The following ST14 variants were observed in gnomAD, a reference collection of about 807,000 sequenced individuals.
ST14 encodes the protein ST14 transmembrane serine protease matriptase.
In ST14, 40 loss-of-function variants were observed where a neutral mutation model predicts 96.5. That is an observed-to-expected ratio of 0.41 (90% CI 0.32 to 0.54). The LOEUF is 0.54. ST14 is among the 20% of genes least tolerant of loss of function. The pLI, the probability that ST14 is intolerant of heterozygous loss-of-function variation, is 0.17. For synonymous variants in ST14, 506 were observed against 492.1 expected, an observed-to-expected ratio of 1.03 and a Z score of -0.37; for missense variants, 1,066 against 1,188.9, an observed-to-expected ratio of 0.90 and a Z score of 1.52.
chr11:130,173,375 A>C (rs917859207), intron 1 of ST14, among the ~76,000 whole-genome samples: 1 of 152,260 alleles, frequency 6.6e-6, no homozygotes, highest in African/African-American at 2.4e-5. Context: ...AGGAGAGCAG[A>C]TCACCTGAGG....
chr11:130,191,644 C>A (rs185050694), intron 7 of ST14, among the ~76,000 whole-genome samples: 1 of 139,410 alleles, frequency 7.2e-6, no homozygotes, highest in Non-Finnish European at 1.5e-5. Flanking sequence ...GAGCCGAGAT[C>A]GTACCACTAC....
chr11:130,197,072 C>G (rs1342661627), intron 11 of ST14, among the ~76,000 whole-genome samples: 1 of 152,184 alleles, frequency 6.6e-6, no homozygotes, highest in African/African-American at 2.4e-5. Context: ...CAGTGTAATT[C>G]TGAGACACAT....
At chr11:130,189,655 G>T (rs765875699) in intron 4 of ST14, 84 bp from the exon 5 acceptor site, 3 of 1,573,266 alleles carry the variant, frequency 1.9e-6, no homozygotes, top group Non-Finnish European at 2.6e-6. Flanking sequence ...GCCCCGAGCC[G>T]CCCATGTGTC....
chr11:130,185,518 C>T lies in ST14; in HGVS notation c.82-2596C>T, dbSNP rs181050243. On this transcript the variant is annotated intron_variant, in intron 1 of 18. Coordinates refer to ENST00000278742, the MANE Select transcript of ST14 (RefSeq NM_021978.4). ...AAATTAGAAAAAAATTAACTGGACA[C>T]GGTGGTGTACAGCTATAGTCCTACC... is the stretch of plus-strand genomic sequence containing the variant. Among the ~76,000 whole-genome samples, 275 of 152,098 alleles carry T rather than the reference C, an allele frequency of 1.8e-3. 2 individuals carry two copies. The highest frequency in any genetic ancestry group is 6.2e-3 in the African/African-American group (258 of 41,482).
chr11:130,196,094 A>G (rs914708278), intron 9 of ST14, among the ~76,000 whole-genome samples: 4 of 152,120 alleles, frequency 2.6e-5, no homozygotes, highest in Non-Finnish European at 5.9e-5. Context: ...CGGGAGGCGG[A>G]GGTTGCGGTG....
chr11:130,190,534 C>T lies in ST14; in HGVS notation c.715C>T (p.Pro239Ser), dbSNP rs750425927. The T allele has an allele frequency of 6.2e-7, 1 of 1,611,304 alleles. No individual in the cohort carries two copies. The highest frequency in any genetic ancestry group is 8.5e-7 in the Non-Finnish European group (1 of 1,179,818). The change falls in exon 7 of 19, where the codon CCC becomes TCC. Residue 239 changes from proline (P) to serine (S), a missense_variant. Coordinates refer to ENST00000278742, the MANE Select transcript of ST14 (RefSeq NM_021978.4). ...GCCCGGCTTCCCTGACAGCCCCTACCCCGCTCATGCCCGCTGCCAGTGGGC... is the reference window on the plus strand; with the variant it reads ...GCCCGGCTTCCCTGACAGCCCCTACTCCGCTCATGCCCGCTGCCAGTGGGC... ...TTPGFPDSPY[P>S]AHARCQWALR...
intron 1 of ST14, among the ~76,000 whole-genome samples, chr11:130,176,000 A>G (rs1953134019): frequency 1.3e-5 from 2 of 152,190 alleles, no homozygotes; most frequent in Admixed American, 6.5e-5. Context: ...ATGGTTTGGT[A>G]GTTTTATAAT....
rs373850549 is a variant in ST14, at chr11:130,209,808, G to C, written c.2553G>C (p.Glu851Asp). 8.1e-6 allele frequency: 13 copies of C among 1,613,866 alleles called. No homozygotes were observed. In the African/African-American group the frequency reaches 1.2e-4, roughly 15 times the overall value. Reference protein sequence around the residue: ...RLPLFRDWIKENTGV With the variant: ...RLPLFRDWIKDNTGV ...CTCTGTTTCGGGACTGGATCAAAGA[G>C]AACACTGGGGTATAGGGGCCGGGGC... is the stretch of plus-strand genomic sequence containing the variant. The change falls in exon 19 of 19, where the codon GAG becomes GAC. Residue 851 changes from glutamate (E) to aspartate (D), a missense_variant. Transcript: ENST00000278742.
At chr11:130,198,471 G>A (rs199774052) in intron 13 of ST14, 37 bp from the exon 14 acceptor site, 32 of 1,612,700 alleles carry the variant, frequency 2.0e-5, no homozygotes, top group Admixed American at 1.5e-4. Context: ...GGCGACTGAC[G>A]GTGGCTCCTG....
At position 130,187,967 on chromosome 11, in the gene ST14, T is replaced by G; in HGVS notation, c.82-147T>G. ...TCTGCGCTCTGGGCAGTGGTCCCCA[T>G]GCCTCTGGGGGAAGCCCCCTTCTTC... On this transcript the variant is annotated intron_variant, in intron 1 of 18. Coordinates refer to ENST00000278742, the MANE Select transcript of ST14 (RefSeq NM_021978.4). The surrounding 1 kb of genome is among the most constrained non-coding windows in gnomAD (Gnocchi z 4.5). 8.8e-7 allele frequency: 1 copy of G among 1,132,956 alleles called. No individual in the cohort carries two copies. Among genetic ancestry groups the G allele is most frequent in the Non-Finnish European group, 1.3e-6 (1 of 793,292 alleles). 70.2% of individuals were successfully genotyped at this position (1,132,956 alleles called of 1,614,324 possible). A position where few individuals can be genotyped will look rare whatever the true frequency, so the allele number is the denominator to read the frequency against.
intron 11 of ST14, chr11:130,196,926 T>A: frequency 1.6e-6 from 1 of 633,874 alleles, no homozygotes; most frequent in Non-Finnish European, 2.7e-6. Context: ...TGGGTTGCAG[T>A]CCCAGCATGA....
At chr11:130,195,922 C>T (rs1302159572) in intron 9 of ST14, among the ~76,000 whole-genome samples, 2 of 150,034 alleles carry the variant, frequency 1.3e-5, no homozygotes, top group Non-Finnish European at 2.9e-5. Flanking sequence ...TTTGGGAGGC[C>T]GAGGCGGGCA....
rs951527318 is a variant in ST14, at chr11:130,160,034, G to A, written c.55G>A (p.Gly19Arg). ...GGGGPKDFGA[G>R]LKYNSRHEKV... ...AGGGGGCCCGAAGGACTTCGGCGCG[G>A]GACTCAAGTACAACTCCCGGCACGA... is the stretch of plus-strand genomic sequence containing the variant. Residue 19 changes from glycine (G) to arginine (R), a missense_variant, in exon 1 of 19, where the codon GGA (glycine) becomes AGA (arginine). Transcript: ENST00000278742. The A allele has an allele frequency of 2.8e-6, 4 of 1,436,882 alleles. No homozygotes were observed. In the African/African-American group the frequency reaches 4.4e-5, roughly 16 times the overall value. 89.0% of individuals were successfully genotyped at this position (1,436,882 alleles called of 1,614,324 possible).
intron 1 of ST14, among the ~76,000 whole-genome samples, chr11:130,177,764 A>G (rs1382043302): frequency 6.6e-6 from 1 of 152,066 alleles, no homozygotes; most frequent in Non-Finnish European, 1.5e-5. Flanking sequence ...GTGAAGTGAG[A>G]TGACGTCTCT....
intron 17 of ST14, 46 bp from the exon 18 acceptor site, chr11:130,209,396 C>T: frequency 6.4e-7 from 1 of 1,557,124 alleles, no homozygotes; most frequent in Non-Finnish European, 8.7e-7. Flanking sequence ...AATGACGCTG[C>T]CCTCGAAGCA....
chr11:130,184,000 G>A (rs1460693316), intron 1 of ST14, among the ~76,000 whole-genome samples: 1 of 152,244 alleles, frequency 6.6e-6, no homozygotes, highest in Non-Finnish European at 1.5e-5. Flanking sequence ...GAGTCTCAGA[G>A]GAATCGTGCG....
rs913078533 is a variant in ST14 at position 130,208,677 on chromosome 11, G to A, written c.2262G>A (p.Gln754=). The change falls in exon 17 of 19, where the codon CAG becomes CAA. Residue 754 remains glutamine (Q), a synonymous_variant. Coordinates refer to ENST00000278742, the MANE Select transcript of ST14 (RefSeq NM_021978.4). ...GGGTCACGGGCTGGGGACACACCCAGTATGGAGGTAAGCTTCGGGCTGACC... is the reference window on the plus strand; with the variant it reads ...GGGTCACGGGCTGGGGACACACCCAATATGGAGGTAAGCTTCGGGCTGACC... The part of the protein sequence containing the change: ...AIWVTGWGHT[Q]YGGTGALILQ... 6.2e-7 allele frequency: 1 copy of A among 1,613,020 alleles called. No homozygotes were observed. The highest frequency in any genetic ancestry group is 1.1e-5 in the South Asian group (1 of 91,030).
At chr11:130,196,138 C>T (rs1428123563) in intron 9 of ST14, among the ~76,000 whole-genome samples, 4 of 152,028 alleles carry the variant, frequency 2.6e-5, no homozygotes, top group African/African-American at 7.2e-5. Flanking sequence ...CCAGCCTGGG[C>T]GACAGAGCAA....
intron 1 of ST14, among the ~76,000 whole-genome samples, chr11:130,177,592 A>G (rs956222472): frequency 6.6e-6 from 1 of 152,118 alleles, no homozygotes; most frequent in Non-Finnish European, 1.5e-5. Context: ...TGTTTTGCCA[A>G]CTGCCATCTC....
Sources: allele counts gnomAD v4.1 joint callset (sites outside exome capture counted in the v4.1 genomes callset), GRCh38; gene constraint gnomAD v4.1.1; non-coding constraint Gnocchi (gnomAD v3.1); transcripts MANE v1.5; gene names NCBI Gene and HGNC (gene_info 2026-07-23, HGNC 2026-07-21).